Variants in RPL23 observed in about 807,000 individuals in gnomAD.
The protein encoded by RPL23 is ribosomal protein L23.
For synonymous variants in RPL23, 63 were observed against 65.3 expected (o/e 0.97, Z 0.17); for missense variants, 79 against 178.8 (o/e 0.44, Z 3.18).
chr17:38,852,787 A>G, intron 2 of RPL23, 55 bp from the exon 3 acceptor site: 1 of 1,612,744 alleles, frequency 6.2e-7, no homozygotes, highest in South Asian at 1.1e-5. Flanking sequence ...AGGCCGTTCC[A>G]TCAGTATAAC....
chr17:38,852,253 T>C, intron 3 of RPL23: 1 of 199,092 alleles, frequency 5.0e-6, no homozygotes, highest in South Asian at 8.6e-5. Flanking sequence ...ACGGGCAGCT[T>C]GTTTTCGTTT....
chr17:38,852,518 G>A, intron 3 of RPL23, 86 bp downstream of exon 3: 1 of 1,529,620 alleles, frequency 6.5e-7, no homozygotes, highest in Non-Finnish European at 8.9e-7. Flanking sequence ...ACAAACTTGA[G>A]GCCTTGAAAA....
chr17:38,853,538 A>T lies in RPL23; in HGVS notation c.13+160T>A, dbSNP rs1447025576. 3.6e-6 allele frequency: 3 copies of T among 842,804 alleles called. No homozygotes were observed. The South Asian group carries it at 4.2e-5, about 12-fold the overall frequency. The allele number at this position is 842,804 out of a possible 1,614,324, so 52.2% of individuals were successfully genotyped here. A position where few individuals can be genotyped will look rare whatever the true frequency, so the allele number is the denominator to read the frequency against. On this transcript the variant is annotated intron_variant, in intron 1 of 4. Transcript: ENST00000479035. ...CTCAACTCTCCAGCACCCCACTGCC[A>T]CTTTCGAGGGCCCTGGCAGTGCTCT...
chr17:38,852,896 A>T (rs763362461), intron 2 of RPL23, 126 bp downstream of exon 2: 1 of 1,345,562 alleles, frequency 7.4e-7, no homozygotes, highest in Non-Finnish European at 1.1e-6. Flanking sequence ...CAAACAACAC[A>T]TGTTGCCACT....
At chr17:38,852,779 G>A in intron 2 of RPL23, 47 bp from the exon 3 acceptor site, 1 of 1,613,342 alleles carries the variant, frequency 6.2e-7, no homozygotes, top group South Asian at 1.1e-5. Context: ...GGGCCATCAG[G>A]CCGTTCCATC....
rs1345000443 is a variant in RPL23 at position 38,848,064 on chromosome 17, C to T, written c.*2068G>A. ...CCTGTGTGACAGAGCAAGACTGCCT[C>T]AGAAAAGATAACATTCAAAAACAGC... On this transcript the variant is annotated 3_prime_UTR_variant, in exon 5 of 5. Coordinates refer to ENST00000479035, the MANE Select transcript of RPL23 (RefSeq NM_000978.4). The T allele has an allele frequency of 6.5e-7, 1 of 1,534,624 alleles. No homozygotes were observed. The highest frequency in any genetic ancestry group is 8.8e-7 in the Non-Finnish European group (1 of 1,141,598).
In RPL23 at chr17:38,849,782, C is replaced by T. The variant is rs949271527; in HGVS notation, c.*350G>A. 38 of 185,302 alleles carry T rather than the reference C, an allele frequency of 2.1e-4. 1 individual carries two copies. Among genetic ancestry groups the T allele is most frequent in the Non-Finnish European group, 3.6e-4 (32 of 89,960 alleles). The allele number at this position is 185,302 out of a possible 1,614,324, so 11.5% of individuals were successfully genotyped here. On this transcript the variant is annotated 3_prime_UTR_variant, in exon 5 of 5. Transcript: ENST00000479035. ...ACAGCAATTGGAAGATGCTGAAAGT[C>T]TGCAAACTCACAAAAAAGCAAGGAT...
Position 38,849,231 on chromosome 17 carries a change from T to A in RPL23, c.*901A>T, listed in dbSNP as rs1197627932. The A allele has an allele frequency of 6.6e-6, 1 of 152,170 alleles. No individual in the cohort carries two copies. Among genetic ancestry groups the A allele is most frequent in the Non-Finnish European group, 1.5e-5 (1 of 68,040 alleles). The allele number at this position is 152,170 out of a possible 1,614,324, so 9.4% of individuals were successfully genotyped here. ...ACTGTTGTTTTATAAATATTCAATT[T>A]ACTCCAAATCTGTTAACTGCTAAAA... is the stretch of plus-strand genomic sequence containing the variant. On this transcript the variant is annotated 3_prime_UTR_variant, in exon 5 of 5. Transcript: ENST00000479035.
chr17:38,850,546 A>G (rs1912971658), intron 3 of RPL23, 71 bp from the exon 4 acceptor site: 3 of 969,058 alleles, frequency 3.1e-6, no homozygotes, highest in South Asian at 2.6e-5. Context: ...GCAGTTTCCA[A>G]CTAGACAGAA....
Position 38,849,970 on chromosome 17 carries a change from T to G in RPL23, c.*162A>C, listed in dbSNP as rs1912954268. 1.8e-6 allele frequency: 1 copy of G among 544,812 alleles called. No individual in the cohort carries two copies. Among genetic ancestry groups the G allele is most frequent in the Non-Finnish European group, 3.2e-6 (1 of 313,874 alleles). The allele number at this position is 544,812 out of a possible 1,614,324, so 33.7% of individuals were successfully genotyped here. The stretch of plus-strand genomic sequence containing the variant: ...CTGTCTCCACCAAAAATACAAAAAC[T>G]AGCCAGGCATGACGGCAGGTGCCTG... On this transcript the variant is annotated 3_prime_UTR_variant, in exon 5 of 5. Coordinates refer to ENST00000479035, the MANE Select transcript of RPL23 (RefSeq NM_000978.4).
rs980075919 is a variant in RPL23 at position 38,849,654 on chromosome 17, C to A, written c.*478G>T. The A allele has an allele frequency of 5.2e-5, 8 of 153,126 alleles. No homozygotes were observed. Among genetic ancestry groups the A allele is most frequent in the African/African-American group, 1.9e-4 (8 of 41,442 alleles). The allele number at this position is 153,126 out of a possible 1,614,324, so 9.5% of individuals were successfully genotyped here. A position where few individuals can be genotyped will look rare whatever the true frequency, so the allele number is the denominator to read the frequency against. On this transcript the variant is annotated 3_prime_UTR_variant, in exon 5 of 5. Transcript: ENST00000479035. The stretch of plus-strand genomic sequence containing the variant: ...CCCAGCCATTTGAATGCCTTCCTCA[C>A]TCCAGGAGAAGCTACCATGTATAGC...
Sources: gnomAD v4.1 joint callset for allele counts on GRCh38, gnomAD v4.1.1 for gene constraint, MANE v1.5 for transcripts, NCBI Gene and HGNC (gene_info 2026-07-23, HGNC 2026-07-21) for gene names.